The following SLK variants were observed in gnomAD, a reference collection of about 807,000 sequenced individuals.
SLK encodes the protein STE20-like serine/threonine-protein kinase.
Under a neutral mutation model 147.7 loss-of-function variants are expected in SLK, and 67 were observed. The ratio of observed to expected loss-of-function variants is 0.45; its 90% CI spans 0.37 to 0.56. The LOEUF (loss-of-function observed/expected upper bound fraction) is 0.56, where lower values mean the gene tolerates loss of function less well. SLK is among the 20% of genes least tolerant of loss of function. The pLI, the probability that SLK is intolerant of heterozygous loss-of-function variation, is 0.00. For missense variants in SLK, 1,136 were observed against 1,438.8 expected (o/e 0.79, Z 3.41); for synonymous variants, 441 against 475.0 (o/e 0.93, Z 0.93).
At chr10:103,983,514 A>G (rs1395847404) in intron 1 of SLK, among the ~76,000 whole-genome samples, 1 of 152,188 alleles carries the variant, frequency 6.6e-6, no homozygotes, top group Non-Finnish European at 1.5e-5. Context: ...TGCAGATCAC[A>G]TTTCTGCCTT....
intron 1 of SLK, among the ~76,000 whole-genome samples, chr10:103,986,407 A>G (rs542683601): frequency 1.6e-4 from 24 of 152,272 alleles, no homozygotes; most frequent in Middle Eastern, 3.4e-3. Context: ...CGCAGTTCAC[A>G]ATAGGGTTCA....
intron 8 of SLK, 42 bp downstream of exon 8, chr10:104,001,614 C>A: frequency 6.2e-7 from 1 of 1,606,856 alleles, no homozygotes; most frequent in South Asian, 1.1e-5. Context: ...GAATAGAGTT[C>A]GGTTTTGAGG....
Position 104,003,452 on chromosome 10 carries a change from T to A in SLK, c.2274T>A (p.Thr758=). The A allele has an allele frequency of 6.2e-7, 1 of 1,606,474 alleles. No homozygotes were observed. ...CAGGCACTGGTTCCACTGCTGATAC[T>A]AGCAGTATTGACTTGAATTTATCCA... ...NDSGTGSTAD[T]SSIDLNLSIS... is the part of the protein sequence containing the mutation. The change falls in exon 9 of 19, where the codon ACT becomes ACA. Residue 758 remains threonine (T), a synonymous_variant. Transcript: ENST00000369755.
chr10:104,000,462 T>C (rs920209923), intron 7 of SLK, among the ~76,000 whole-genome samples: 4 of 152,238 alleles, frequency 2.6e-5, no homozygotes, highest in East Asian at 1.9e-4. Context: ...CATAGTGTTT[T>C]AGGTTGACCT....
intron 1 of SLK, among the ~76,000 whole-genome samples, chr10:103,974,239 T>A (rs980548843): frequency 6.6e-6 from 1 of 152,112 alleles, no homozygotes; most frequent in African/African-American, 2.4e-5. Context: ...ATTCTTCATG[T>A]CCCTAAATTC....
chr10:103,977,369 A>G (rs748392272), intron 1 of SLK, among the ~76,000 whole-genome samples: 2 of 152,168 alleles, frequency 1.3e-5, no homozygotes, highest in Non-Finnish European at 2.9e-5. Context: ...CCAGCACTTT[A>G]TAAGTTTGAG....
chr10:104,020,936 T>C (rs540054847), intron 17 of SLK, among the ~76,000 whole-genome samples: 2 of 152,228 alleles, frequency 1.3e-5, no homozygotes, highest in African/African-American at 2.4e-5. Flanking sequence ...TAGACAGTTT[T>C]GTTGTCATAT....
chr10:103,980,783 G>A (rs1437602437), intron 1 of SLK, among the ~76,000 whole-genome samples: 1 of 152,082 alleles, frequency 6.6e-6, no homozygotes, highest in African/African-American at 2.4e-5. Context: ...ATTTAGCTAC[G>A]AACGTGGGTG....
rs527966785 is a variant in SLK at position 103,967,717 on chromosome 10, G to A, written c.-29G>A. 6.2e-7 allele frequency: 1 copy of A among 1,611,926 alleles called. No homozygotes were observed. Among genetic ancestry groups the A allele is most frequent in the South Asian group, 1.1e-5 (1 of 91,000 alleles). ...GCCTTTTATTGTTTTTAGTCCTTAA[G>A]TGCAAGGAACTCTGTGTTGGGAGGA... is the stretch of plus-strand genomic sequence containing the variant. On this transcript the variant is annotated 5_prime_UTR_variant, in exon 1 of 19. The change creates a new upstream start codon in the 5' untranslated region. Coordinates refer to ENST00000369755, the MANE Select transcript of SLK (RefSeq NM_014720.4).
intron 1 of SLK, among the ~76,000 whole-genome samples, chr10:103,973,509 G>A (rs1029772911): frequency 3.9e-5 from 6 of 152,116 alleles, no homozygotes; most frequent in African/African-American, 1.4e-4. Context: ...GCCTGGTTGA[G>A]TGCCACAAAA....
chr10:104,013,348 T>A (rs1210387074), intron 13 of SLK, among the ~76,000 whole-genome samples: 1 of 152,232 alleles, frequency 6.6e-6, no homozygotes, highest in Admixed American at 6.5e-5. Flanking sequence ...CTGCTTCAAC[T>A]CAAGCAACAC....
chr10:103,991,723 A>G (rs1844096091), intron 2 of SLK, among the ~76,000 whole-genome samples: 1 of 152,122 alleles, frequency 6.6e-6, no homozygotes, highest in Admixed American at 6.5e-5. Context: ...GTAAAAAAAA[A>G]TAAAGCATTA....
At chr10:103,999,770 C>CA (rs1460453824) in intron 6 of SLK, 97 bp from the exon 7 acceptor site, 3 of 567,538 alleles carry the variant, frequency 5.3e-6, no homozygotes, top group Non-Finnish European at 9.5e-6. Context: ...AATACTATTA[C>CA]ATACATAATG....
Position 103,998,933 on chromosome 10 carries a change from A to G in SLK, c.549A>G (p.Thr183=), listed in dbSNP as rs1844209865. 1 of 1,612,198 alleles carries G rather than the reference A, an allele frequency of 6.2e-7. No individual in the cohort carries two copies. Among genetic ancestry groups the G allele is most frequent in the Non-Finnish European group, 8.5e-7 (1 of 1,178,428 alleles). ...DFGVSAKNTR[T]IQRRDSFIGT... is the part of the protein sequence containing the mutation. The stretch of plus-strand genomic sequence containing the variant: ...GAGTATCAGCTAAAAACACGAGGAC[A>G]ATTCAAAGAAGAGATTCCTTTATTG... The change falls in exon 5 of 19, where the codon ACA becomes ACG. Residue 183 remains threonine, a synonymous_variant. Coordinates refer to ENST00000369755, the MANE Select transcript of SLK (RefSeq NM_014720.4).
At chr10:104,018,463 G>A (rs562757972) in intron 14 of SLK, among the ~76,000 whole-genome samples, 174 bp downstream of exon 14, 5 of 152,226 alleles carry the variant, frequency 3.3e-5, no homozygotes, top group Non-Finnish European at 5.9e-5. Flanking sequence ...CCTAATGGTC[G>A]TGTGTTAGAA....
chr10:104,012,859 T>C (rs1844417412), intron 13 of SLK, among the ~76,000 whole-genome samples: 1 of 152,224 alleles, frequency 6.6e-6, no homozygotes, highest in Admixed American at 6.5e-5. Context: ...TAGAATAATA[T>C]GGTTTTTGCC....
chr10:103,969,273 A>G (rs578190615), intron 1 of SLK, among the ~76,000 whole-genome samples: 1 of 152,126 alleles, frequency 6.6e-6, no homozygotes, highest in African/African-American at 2.4e-5. Flanking sequence ...CCGGCTGCCT[A>G]CTACTTTCTA....
chr10:104,017,913 A>C (rs1036985230), intron 13 of SLK, among the ~76,000 whole-genome samples: 7 of 152,240 alleles, frequency 4.6e-5, no homozygotes, highest in African/African-American at 1.7e-4. Flanking sequence ...TGAGTGGGCT[A>C]TATGCTTATT....
intron 1 of SLK, among the ~76,000 whole-genome samples, chr10:103,983,379 C>T (rs1034011640): frequency 1.3e-5 from 2 of 152,276 alleles, no homozygotes; most frequent in South Asian, 2.1e-4. Flanking sequence ...ATTACCCAAA[C>T]GTTTACTCTA....
Sources: gnomAD v4.1 joint callset for allele counts (sites outside exome capture counted in the v4.1 genomes callset) on GRCh38, gnomAD v4.1.1 for gene constraint, MANE v1.5 for transcripts, NCBI Gene and HGNC (gene_info 2026-07-23, HGNC 2026-07-21) for gene names.